The following CENPP variants were observed in gnomAD, a reference collection of about 807,000 sequenced individuals.
The protein encoded by CENPP is centromere protein P.
CENPP carries 24 observed loss-of-function variants against 35.6 expected under a neutral mutation model. The ratio of observed to expected loss-of-function variants is 0.67; its 90% CI spans 0.49 to 0.95. The LOEUF (loss-of-function observed/expected upper bound fraction) is 0.95, where lower values mean the gene tolerates loss of function less well. Among genes scored for constraint, CENPP ranks in the 40% least tolerant of loss-of-function variants. The probability of loss-of-function intolerance (pLI) is 0.00; values close to 1 mark genes in which losing one functional copy is unlikely to be tolerated. For synonymous variants in CENPP, 120 were observed against 125.5 expected, an observed-to-expected ratio of 0.96 and a Z score of 0.29; for missense variants, 332 against 345.3, an observed-to-expected ratio of 0.96 and a Z score of 0.31.
At chr9:92,512,822 A>G (rs1401962025) in intron 5 of CENPP, among the ~76,000 whole-genome samples, 1 of 152,198 alleles carries the variant, frequency 6.6e-6, no homozygotes, top group Non-Finnish European at 1.5e-5. Context: ...GTAGCTCAGC[A>G]TGGGTCATTT....
chr9:92,581,463 G>C (rs1265301970), intron 5 of CENPP, among the ~76,000 whole-genome samples: 1 of 152,146 alleles, frequency 6.6e-6, no homozygotes, highest in Non-Finnish European at 1.5e-5. Context: ...GAAGATCTTT[G>C]AAGCATCCAA....
chr9:92,380,352 C>T (rs1210691925), intron 5 of CENPP, among the ~76,000 whole-genome samples: 2 of 152,080 alleles, frequency 1.3e-5, no homozygotes, highest in African/African-American at 4.8e-5. Context: ...TCTTTGTTTT[C>T]GGGCATAACT....
intron 5 of CENPP, chr9:92,470,648 A>C (rs1845476897): frequency 1.6e-6 from 2 of 1,235,500 alleles, no homozygotes; most frequent in African/African-American, 3.1e-5. Flanking sequence ...AATCTTTGAA[A>C]GTATGAGGAT....
At chr9:92,430,590 G>A (rs568513155) in intron 5 of CENPP, among the ~76,000 whole-genome samples, 14 of 152,024 alleles carry the variant, frequency 9.2e-5, no homozygotes, top group South Asian at 2.1e-4. Context: ...TCCTGAACTC[G>A]GGTGATCTGC....
intron 5 of CENPP, among the ~76,000 whole-genome samples, chr9:92,528,609 G>C (rs1357546671): frequency 3.3e-5 from 5 of 151,798 alleles, no homozygotes; most frequent in Non-Finnish European, 5.9e-5. Flanking sequence ...GGAAGAGTTT[G>C]TGTTCCACCA....
intron 2 of CENPP, among the ~76,000 whole-genome samples, chr9:92,332,619 C>T (rs971654276): frequency 6.6e-6 from 1 of 152,132 alleles, no homozygotes; most frequent in African/African-American, 2.4e-5. Flanking sequence ...ACAAGCCTGG[C>T]CAACATGGTG....
At position 92,572,610 on chromosome 9, in the gene CENPP, T is replaced by C. The variant is rs182885783; in HGVS notation, c.565-38704T>C. Among the ~76,000 whole-genome samples, 567 of 152,282 alleles carry C rather than the reference T, an allele frequency of 3.7e-3. 3 individuals are homozygous for C. Among genetic ancestry groups the C allele is most frequent in the African/African-American group, 0.013 (536 of 41,546 alleles). Reference sequence around the variant, plus strand: ...AGGAGTATCTTTGTGGCGTTCTCTGTATTTCCTGAATTTGAATGTTGGCCT... The same window carrying C: ...AGGAGTATCTTTGTGGCGTTCTCTGCATTTCCTGAATTTGAATGTTGGCCT... On this transcript the variant is annotated intron_variant, in intron 5 of 7. Transcript: ENST00000375587.
intron 5 of CENPP, among the ~76,000 whole-genome samples, chr9:92,533,226 G>T (rs1848915427): frequency 7.1e-6 from 1 of 140,096 alleles, no homozygotes; most frequent in Admixed American, 7.2e-5. Flanking sequence ...CTTGAACCCG[G>T]GAGGTGGAGG....
chr9:92,330,823 G>A (rs769252342), intron 1 of CENPP, among the ~76,000 whole-genome samples: 7 of 151,518 alleles, frequency 4.6e-5, no homozygotes, highest in Admixed American at 6.6e-5. Flanking sequence ...TGGGTAGCCA[G>A]GATTACAGGC....
intron 4 of CENPP, among the ~76,000 whole-genome samples, chr9:92,373,947 G>A (rs1842066314): frequency 6.6e-6 from 1 of 151,946 alleles, no homozygotes; most frequent in African/African-American, 2.4e-5. Flanking sequence ...TGCTTTTCAT[G>A]TACCTGTTCC....
intron 5 of CENPP, among the ~76,000 whole-genome samples, chr9:92,591,663 T>C (rs1352232311): frequency 6.6e-6 from 1 of 152,018 alleles, no homozygotes; most frequent in African/African-American, 2.4e-5. Flanking sequence ...CTGTCTGCGA[T>C]GTTTCATTTA....
chr9:92,460,493 G>A (rs201600758), intron 5 of CENPP: 22 of 1,599,316 alleles, frequency 1.4e-5, no homozygotes, highest in Admixed American at 1.7e-5. Flanking sequence ...TCTTTGTATC[G>A]TTTAAAATCC....
chr9:92,433,418 G>T (rs1844167957), intron 5 of CENPP, among the ~76,000 whole-genome samples: 1 of 152,166 alleles, frequency 6.6e-6, no homozygotes, highest in Non-Finnish European at 1.5e-5. Context: ...GGTACAGACA[G>T]TGAGTCTCCC....
At chr9:92,552,467 T>C (rs1487452171) in intron 5 of CENPP, among the ~76,000 whole-genome samples, 1 of 152,200 alleles carries the variant, frequency 6.6e-6, no homozygotes, top group Admixed American at 6.5e-5. Flanking sequence ...ACCAGCAGTG[T>C]AGAAGTGTTC....
intron 4 of CENPP, among the ~76,000 whole-genome samples, chr9:92,346,205 A>T (rs1399971939): frequency 1.3e-5 from 2 of 151,990 alleles, no homozygotes; most frequent in East Asian, 3.9e-4. Context: ...ATTTTTTTTT[A>T]AATTAGAGAT....
intron 5 of CENPP, chr9:92,514,907 G>C: frequency 6.2e-7 from 1 of 1,613,626 alleles, no homozygotes; most frequent in Non-Finnish European, 8.5e-7. Flanking sequence ...TGGTGTGCCA[G>C]CCTCCTCTCC....
At chr9:92,549,054 C>T (rs961021547) in intron 5 of CENPP, among the ~76,000 whole-genome samples, 8 of 152,132 alleles carry the variant, frequency 5.3e-5, no homozygotes, top group Admixed American at 1.3e-4. Flanking sequence ...AAACAATGGA[C>T]AGTGGCACAG....
At chr9:92,538,812 T>A (rs985855439) in intron 5 of CENPP, among the ~76,000 whole-genome samples, 3 of 152,140 alleles carry the variant, frequency 2.0e-5, no homozygotes, top group Non-Finnish European at 2.9e-5. Context: ...ATGAGCAGAG[T>A]GAGCATTACC....
At chr9:92,359,440 G>C (rs1231061412) in intron 4 of CENPP, among the ~76,000 whole-genome samples, 1 of 151,746 alleles carries the variant, frequency 6.6e-6, no homozygotes, top group Non-Finnish European at 1.5e-5. Flanking sequence ...TCTGTGCCAG[G>C]GATTAACCTG....
Sources: gnomAD v4.1 joint callset for allele counts (sites outside exome capture counted in the v4.1 genomes callset) on GRCh38, gnomAD v4.1.1 for gene constraint, MANE v1.5 for transcripts, NCBI Gene and HGNC (gene_info 2026-07-23, HGNC 2026-07-21) for gene names.